TSPAN5: variants seen among roughly 807,000 people sequenced by gnomAD.
TSPAN5 encodes the protein tetraspanin 5.
TSPAN5 carries 10 observed loss-of-function variants against 37.1 expected under a neutral mutation model. The ratio of observed to expected loss-of-function variants is 0.27; its 90% CI spans 0.17 to 0.46. TSPAN5 has a LOEUF of 0.46. TSPAN5 is among the 20% of genes least tolerant of loss of function. The pLI is 1.00. For synonymous variants in TSPAN5, 110 were observed against 118.9 expected (o/e 0.93, Z 0.48); for missense variants, 195 against 326.6 (o/e 0.60, Z 3.11).
intron 1 of TSPAN5, among the ~76,000 whole-genome samples, chr4:98,605,680 AT>A (rs1756017669): frequency 6.6e-6 from 1 of 152,218 alleles, no homozygotes; most frequent in Admixed American, 6.5e-5. Context: ...GGAATACTTC[AT>A]CCCTGTGAAT....
intron 1 of TSPAN5, among the ~76,000 whole-genome samples, chr4:98,632,454 C>T (rs1414099626): frequency 6.6e-6 from 1 of 152,114 alleles, no homozygotes; most frequent in Non-Finnish European, 1.5e-5. Flanking sequence ...ATCATATATG[C>T]TGTCATTCAA....
chr4:98,508,999 C>G (rs191963964), intron 1 of TSPAN5, among the ~76,000 whole-genome samples: 5 of 152,236 alleles, frequency 3.3e-5, no homozygotes, highest in Admixed American at 3.3e-4. Context: ...TGGGGCGACA[C>G]AGACTTGATG....
intron 1 of TSPAN5, among the ~76,000 whole-genome samples, chr4:98,571,961 A>C (rs955844175): frequency 1.7e-5 from 2 of 121,160 alleles, no homozygotes; most frequent in Non-Finnish European, 3.3e-5. Context: ...TGAGAGAGAC[A>C]TTTTATTTAT....
At chr4:98,516,011 G>T (rs989173105) in intron 1 of TSPAN5, among the ~76,000 whole-genome samples, 94 of 152,102 alleles carry the variant, frequency 6.2e-4, no homozygotes, top group African/African-American at 2.1e-3. Context: ...ATTGCTCCTG[G>T]TTTTTGCATG....
chr4:98,627,528 A>G (rs1243515280), intron 1 of TSPAN5, among the ~76,000 whole-genome samples: 1 of 152,222 alleles, frequency 6.6e-6, no homozygotes, highest in Non-Finnish European at 1.5e-5. Flanking sequence ...ATTTCTTCCA[A>G]ATGTTCCTAT....
intron 1 of TSPAN5, among the ~76,000 whole-genome samples, chr4:98,644,120 A>T (rs1250941719): frequency 3.4e-5 from 5 of 148,984 alleles, no homozygotes; most frequent in Admixed American, 1.3e-4. Flanking sequence ...TTATTGATTT[A>T]TTTTTTTTTT....
chr4:98,488,283 A>C (rs1257501594), intron 2 of TSPAN5, among the ~76,000 whole-genome samples: 1 of 152,148 alleles, frequency 6.6e-6, no homozygotes, highest in African/African-American at 2.4e-5. Flanking sequence ...TAGGAGTTTT[A>C]AGTTTTAATC....
chr4:98,566,880 GC>G (rs1384278334), intron 1 of TSPAN5, among the ~76,000 whole-genome samples: 1 of 152,214 alleles, frequency 6.6e-6, no homozygotes, highest in Non-Finnish European at 1.5e-5. Context: ...ATTCCCTGGG[GC>G]CAACGAACAA....
intron 1 of TSPAN5, among the ~76,000 whole-genome samples, chr4:98,626,886 GTT>G (rs34770397): frequency 1.2e-4 from 10 of 83,482 alleles, no homozygotes; most frequent in East Asian, 3.3e-4. Flanking sequence ...ATGAGAGCAG[GTT>G]TTTTTTTTTT....
intron 1 of TSPAN5, among the ~76,000 whole-genome samples, chr4:98,636,123 T>C (rs1004062206): frequency 7.9e-5 from 12 of 152,162 alleles, no homozygotes; most frequent in Non-Finnish European, 1.5e-4. Context: ...GGCAGAAATA[T>C]CATTTAAAGC....
chr4:98,550,708 G>A (rs1049685445), intron 1 of TSPAN5, among the ~76,000 whole-genome samples: 3 of 150,908 alleles, frequency 2.0e-5, no homozygotes, highest in African/African-American at 2.4e-5. Flanking sequence ...AAAAGCTACT[G>A]ATTTCTATAT....
At chr4:98,617,011 G>C (rs1756358011) in intron 1 of TSPAN5, among the ~76,000 whole-genome samples, 1 of 151,910 alleles carries the variant, frequency 6.6e-6, no homozygotes, top group Non-Finnish European at 1.5e-5. Flanking sequence ...TTTTTGTAGA[G>C]ACTGGGTTTC....
intron 1 of TSPAN5, among the ~76,000 whole-genome samples, chr4:98,626,341 T>G (rs1375352023): frequency 6.6e-6 from 1 of 152,154 alleles, no homozygotes; most frequent in South Asian, 2.1e-4. Context: ...CTTAAATTGA[T>G]CTCTCTGCTT....
chr4:98,624,571 G>T (rs1756552073), intron 1 of TSPAN5, among the ~76,000 whole-genome samples: 1 of 152,102 alleles, frequency 6.6e-6, no homozygotes, highest in South Asian at 2.1e-4. Flanking sequence ...GATACGGAGT[G>T]ATACTCTGTT....
intron 2 of TSPAN5, among the ~76,000 whole-genome samples, chr4:98,490,582 C>G (rs2110268610): frequency 6.6e-6 from 1 of 152,256 alleles, no homozygotes; most frequent in East Asian, 1.9e-4. Context: ...CTGGGGGGAA[C>G]TAATCTCCCA....
intron 4 of TSPAN5, among the ~76,000 whole-genome samples, chr4:98,479,843 C>T (rs1162078360): frequency 2.0e-5 from 3 of 152,182 alleles, no homozygotes; most frequent in African/African-American, 7.2e-5. Context: ...CTGAAGCACA[C>T]ACTATATTGT....
At chr4:98,505,822 C>A (rs1466656773) in intron 2 of TSPAN5, among the ~76,000 whole-genome samples, 2 of 152,186 alleles carry the variant, frequency 1.3e-5, no homozygotes, top group Non-Finnish European at 2.9e-5. Flanking sequence ...TTGTTCCCTG[C>A]TTATGGAGTT....
In TSPAN5 at chr4:98,616,868, A is replaced by ATTT. The variant is rs59868555; in HGVS notation, c.81+41275_81+41277dup. Among the ~76,000 whole-genome samples, 63 of 144,328 alleles carry ATTT rather than the reference A, an allele frequency of 4.4e-4. 2 individuals are homozygous for ATTT. Among genetic ancestry groups the ATTT allele is most frequent in the African/African-American group, 1.5e-3 (57 of 38,396 alleles). The allele number at this position is 144,328 out of a possible 152,430, so 94.7% of individuals were successfully genotyped here. ...CTAGATATTGAGAAGCTCCACGTAA[A>ATTT]TTTTTTTTTTTTTGGAAACAGAGTC... On this transcript the variant is annotated intron_variant, in intron 1 of 7. Transcript: ENST00000305798.
intron 1 of TSPAN5, among the ~76,000 whole-genome samples, chr4:98,622,343 C>T (rs1756499845): frequency 6.6e-6 from 1 of 152,238 alleles, no homozygotes; most frequent in Non-Finnish European, 1.5e-5. Context: ...CCCCAAAGTG[C>T]TGGGATTACA....
Sources: gnomAD v4.1 joint callset for allele counts (sites outside exome capture counted in the v4.1 genomes callset) on GRCh38, gnomAD v4.1.1 for gene constraint, MANE v1.5 for transcripts, NCBI Gene and HGNC (gene_info 2026-07-23, HGNC 2026-07-21) for gene names.